Variants in NKAIN3 observed in about 807,000 individuals in gnomAD.
NKAIN3 encodes sodium/potassium transporting ATPase interacting 3, also known as sodium/potassium-transporting ATPase subunit beta-1-interacting protein 3.
NKAIN3 carries 25 observed loss-of-function variants against 30.2 expected under a neutral mutation model. The observed-to-expected ratio is 0.83, with a 90% confidence interval of 0.60 to 1.16. The LOEUF (loss-of-function observed/expected upper bound fraction) is 1.16. Ranked by LOEUF, NKAIN3 falls within the 50% of genes most tolerant of loss-of-function variation. The pLI is 0.00. For synonymous variants in NKAIN3, 91 were observed against 89.6 expected, an observed-to-expected ratio of 1.02 and a Z score of -0.09; for missense variants, 225 against 254.1, an observed-to-expected ratio of 0.89 and a Z score of 0.78.
At chr8:62,391,980 C>G (rs1387881955) in intron 1 of NKAIN3, among the ~76,000 whole-genome samples, 1 of 151,930 alleles carries the variant, frequency 6.6e-6, no homozygotes, top group Non-Finnish European at 1.5e-5. Context: ...ATCTCTGACC[C>G]TCTCTCAATG....
chr8:62,670,879 G>GCGCA lies in NKAIN3; in HGVS notation c.274-76052_274-76051insGCAC, dbSNP rs765966259. Reference sequence around the variant, plus strand: ...TTCCTATTTTTATGTACACATACAAGCACACACACACACACACACACACAC... The same window carrying GCGCA: ...TTCCTATTTTTATGTACACATACAAGCGCACACACACACACACACACACACACAC... On this transcript the variant is annotated intron_variant, in intron 3 of 6. Transcript: ENST00000623646. 4.6e-4 allele frequency among the ~76,000 whole-genome samples: 65 copies of GCGCA among 142,088 alleles called. 1 individual carries two copies. The South Asian group carries it at 9.9e-3, about 22-fold the overall frequency. 93.2% of individuals were successfully genotyped at this position (142,088 alleles called of 152,430 possible). A position where few individuals can be genotyped will look rare whatever the true frequency, so the allele number is the denominator to read the frequency against.
At chr8:62,289,074 C>T (rs1813482539) in intron 1 of NKAIN3, among the ~76,000 whole-genome samples, 1 of 152,126 alleles carries the variant, frequency 6.6e-6, no homozygotes, top group Admixed American at 6.5e-5. Flanking sequence ...CCTTTGCCCA[C>T]TTTTTGATGG....
chr8:62,511,992 A>T (rs1376767), intron 1 of NKAIN3, among the ~76,000 whole-genome samples: 6 of 151,952 alleles, frequency 3.9e-5, no homozygotes, highest in Non-Finnish European at 8.8e-5. Context: ...TAAGAGCAGC[A>T]GCTGGGGCTA....
chr8:62,810,122 G>T lies in NKAIN3; in HGVS notation c.471+62993G>T, dbSNP rs565200743. On this transcript the variant is annotated intron_variant, in intron 4 of 6. Coordinates refer to ENST00000623646, the MANE Select transcript of NKAIN3 (RefSeq NM_001304533.3). The stretch of plus-strand genomic sequence containing the variant: ...AAGCCTGAGAGACAGGAACTCAGCT[G>T]CTTGCTTGCATAATCATATTCATGA... Among the ~76,000 whole-genome samples the T allele has an allele frequency of 8.5e-4, 129 of 152,248 alleles. 2 individuals carry two copies. Among genetic ancestry groups the T allele is most frequent in the African/African-American group, 3.0e-3 (123 of 41,552 alleles).
At chr8:62,761,043 C>T (rs1239335797) in intron 4 of NKAIN3, among the ~76,000 whole-genome samples, 1 of 152,042 alleles carries the variant, frequency 6.6e-6, no homozygotes, top group African/African-American at 2.4e-5. Flanking sequence ...TTCTATTTCT[C>T]CTAGTAGGTT....
chr8:62,383,008 G>T (rs1423261582), intron 1 of NKAIN3, among the ~76,000 whole-genome samples: 3 of 152,080 alleles, frequency 2.0e-5, no homozygotes, highest in Admixed American at 2.0e-4. Flanking sequence ...CCTTTCCATA[G>T]TGTACCATGT....
At chr8:62,821,464 C>T (rs558703254) in intron 4 of NKAIN3, among the ~76,000 whole-genome samples, 1 of 152,064 alleles carries the variant, frequency 6.6e-6, no homozygotes, top group African/African-American at 2.4e-5. Context: ...GGAGAAAGAG[C>T]AGTTGAATAC....
chr8:62,251,129 G>A (rs1301725820), intron 1 of NKAIN3, among the ~76,000 whole-genome samples: 1 of 151,972 alleles, frequency 6.6e-6, no homozygotes, highest in Non-Finnish European at 1.5e-5. Context: ...CATTTCTTTT[G>A]ACTTTTAAAA....
At chr8:62,356,591 C>T (rs138929594) in intron 1 of NKAIN3, among the ~76,000 whole-genome samples, 47 of 152,266 alleles carry the variant, frequency 3.1e-4, no homozygotes, top group African/African-American at 1.0e-3. Flanking sequence ...TCTTTATGGT[C>T]CTCTTATCCT....
At chr8:62,403,685 C>T (rs919464942) in intron 1 of NKAIN3, among the ~76,000 whole-genome samples, 9 of 152,152 alleles carry the variant, frequency 5.9e-5, no homozygotes, top group South Asian at 2.1e-4. Flanking sequence ...GGAAATGCCT[C>T]GATGTCAGGC....
At chr8:62,724,120 TA>T (rs1235554949) in intron 3 of NKAIN3, among the ~76,000 whole-genome samples, 2 of 152,102 alleles carry the variant, frequency 1.3e-5, no homozygotes, top group Non-Finnish European at 2.9e-5. Flanking sequence ...GGAATGAAAT[TA>T]GGTTGTTTTT....
At chr8:62,898,855 T>A (rs1821516913) in intron 4 of NKAIN3, among the ~76,000 whole-genome samples, 1 of 151,894 alleles carries the variant, frequency 6.6e-6, no homozygotes, top group South Asian at 2.1e-4. Flanking sequence ...CTAACTAGAA[T>A]ATATAAGGAG....
At chr8:62,278,241 G>T (rs1366811956) in intron 1 of NKAIN3, among the ~76,000 whole-genome samples, 1 of 152,260 alleles carries the variant, frequency 6.6e-6, no homozygotes, top group African/African-American at 2.4e-5. Context: ...AAGGCAGTTA[G>T]TACCATAAGG....
intron 4 of NKAIN3, among the ~76,000 whole-genome samples, chr8:62,831,823 C>T (rs920721138): frequency 6.6e-6 from 1 of 152,108 alleles, no homozygotes; most frequent in African/African-American, 2.4e-5. Flanking sequence ...ATTTCCTTAA[C>T]TCTGCTAGAT....
intron 1 of NKAIN3, among the ~76,000 whole-genome samples, chr8:62,460,120 A>G (rs1805944747): frequency 6.6e-6 from 1 of 152,290 alleles, no homozygotes. Context: ...CAAAGCAATA[A>G]GAAAACTGGC....
At chr8:62,826,050 C>A (rs1018546624) in intron 4 of NKAIN3, among the ~76,000 whole-genome samples, 1 of 152,176 alleles carries the variant, frequency 6.6e-6, no homozygotes. Context: ...CAGGCCTCCT[C>A]CTCCCCTAAT....
intron 1 of NKAIN3, among the ~76,000 whole-genome samples, chr8:62,386,995 G>T (rs993370115): frequency 6.6e-5 from 10 of 152,026 alleles, no homozygotes; most frequent in Non-Finnish European, 1.3e-4. Flanking sequence ...ACTTCTTAAA[G>T]AATTGGGATA....
rs1366911415 is a variant in NKAIN3, at chr8:62,759,032, T to G, written c.471+11903T>G. ...CACTCTAGTATTATCAGTAAAGACA[T>G]AGTTAATCACACTCTTTTTTCTATA... On this transcript the variant is annotated intron_variant, in intron 4 of 6. Coordinates refer to ENST00000623646, the MANE Select transcript of NKAIN3 (RefSeq NM_001304533.3). Among the ~76,000 whole-genome samples, 3 of 152,160 alleles carry G rather than the reference T, an allele frequency of 2.0e-5. No homozygotes were observed. In the East Asian group the frequency reaches 5.8e-4, roughly 29 times the overall value.
At chr8:62,608,690 A>G (rs1811199669) in intron 3 of NKAIN3, among the ~76,000 whole-genome samples, 1 of 152,144 alleles carries the variant, frequency 6.6e-6, no homozygotes, top group South Asian at 2.1e-4. Flanking sequence ...GTAAACTTTA[A>G]CTTCCTTAAA....
Sources: gnomAD v4.1 joint callset for allele counts (sites outside exome capture counted in the v4.1 genomes callset) on GRCh38, gnomAD v4.1.1 for gene constraint, MANE v1.5 for transcripts, NCBI Gene and HGNC (gene_info 2026-07-23, HGNC 2026-07-21) for gene names.